The following MXI1 variants were observed in gnomAD, a reference collection of about 807,000 sequenced individuals.
The protein encoded by MXI1 is MAX interactor 1, dimerization protein.
MXI1 carries 18 observed loss-of-function variants against 36.9 expected under a neutral mutation model. That is an observed-to-expected ratio of 0.49 (90% CI 0.34 to 0.72). MXI1 has a LOEUF of 0.72. Ranked by LOEUF, MXI1 falls within the 30% of genes least tolerant of loss-of-function variation. The pLI is 0.01. For missense variants in MXI1, 304 were observed against 379.1 expected (o/e 0.80, Z 1.64); for synonymous variants, 160 against 146.7 (o/e 1.09, Z -0.65).
In MXI1 at chr10:110,287,110, C is replaced by T. The variant is rs116751374; in HGVS notation, c.*2123C>T. On this transcript the variant is annotated 3_prime_UTR_variant, in exon 6 of 6. Transcript: ENST00000332674. Reference sequence around the variant, plus strand: ...TGTTTTGTTATTCTCATGGCCTTCGCTTGCATTATTTGGGCCTTCATTCAG... The same window carrying T: ...TGTTTTGTTATTCTCATGGCCTTCGTTTGCATTATTTGGGCCTTCATTCAG... 218 of 152,274 alleles carry T rather than the reference C, an allele frequency of 1.4e-3. 1 individual carries two copies. The highest frequency in any genetic ancestry group is 4.9e-3 in the African/African-American group (204 of 41,550). 9.4% of individuals were successfully genotyped at this position (152,274 alleles called of 1,614,324 possible).
In MXI1 at chr10:110,209,989, G is replaced by T. The variant is rs1189272358; in HGVS notation, c.274+1907G>T. ...GCGGTCGGAGATTCCTCAGCGTCCC[G>T]CCCCCCACTTCGCACCCGCAGACAA... is the stretch of plus-strand genomic sequence containing the variant. On this transcript the variant is annotated intron_variant, in intron 1 of 5. Coordinates refer to ENST00000332674, the MANE Select transcript of MXI1 (RefSeq NM_130439.3). Among the ~76,000 whole-genome samples the T allele has an allele frequency of 3.2e-5, 4 of 123,918 alleles. No individual in the cohort carries two copies. The East Asian group carries it at 6.8e-4, about 21-fold the overall frequency. 81.3% of individuals were successfully genotyped at this position (123,918 alleles called of 152,430 possible). A position where few individuals can be genotyped will look rare whatever the true frequency, so the allele number is the denominator to read the frequency against.
At chr10:110,211,869 C>T (rs898661441) in intron 1 of MXI1, among the ~76,000 whole-genome samples, 2 of 152,210 alleles carry the variant, frequency 1.3e-5, no homozygotes, top group African/African-American at 4.8e-5. Flanking sequence ...GGCTGTGATC[C>T]TATTACCACA....
chr10:110,207,866 C>T lies in MXI1; in HGVS notation c.58C>T (p.Pro20Ser). 1 of 1,203,734 alleles carries T rather than the reference C, an allele frequency of 8.3e-7. No individual in the cohort carries two copies. 74.6% of individuals were successfully genotyped at this position (1,203,734 alleles called of 1,614,324 possible). ...EARCEGAGLA[P>S]AAPPAVPPAV... Reference sequence around the variant, plus strand: ...GCGCTGCGAGGGCGCGGGGCTGGCCCCCGCCGCGCCCCCGGCTGTGCCCCC... The same window carrying T: ...GCGCTGCGAGGGCGCGGGGCTGGCCTCCGCCGCGCCCCCGGCTGTGCCCCC... The change falls in exon 1 of 6, where the codon CCC becomes TCC. Residue 20 changes from proline (P) to serine (S), a missense_variant. Physicochemically the swap from Pro to Ser is moderately conservative, Grantham distance 74. Around this residue, in one of 2 missense-constraint regions of MXI1, gnomAD observed 179 missense variants for 184.8 expected, o/e 0.97. Transcript: ENST00000332674.
At chr10:110,282,719 T>C (rs1337153758) in intron 5 of MXI1, among the ~76,000 whole-genome samples, 4 of 152,204 alleles carry the variant, frequency 2.6e-5, no homozygotes, top group Non-Finnish European at 2.9e-5. Context: ...ACCATCCTTA[T>C]CCTGAGCTGG....
intron 1 of MXI1, among the ~76,000 whole-genome samples, chr10:110,218,526 C>T (rs755177931): frequency 9.2e-5 from 14 of 152,080 alleles, no homozygotes; most frequent in Middle Eastern, 6.8e-3. Context: ...CTCCCTGGAG[C>T]GACTTCCTTT....
intron 2 of MXI1, among the ~76,000 whole-genome samples, chr10:110,232,534 AGTT>A (rs1855312589): frequency 6.6e-6 from 1 of 152,106 alleles, no homozygotes; most frequent in African/African-American, 2.4e-5. Context: ...ACAGTTATCC[AGTT>A]GTTTCTTAAA....
chr10:110,278,760 A>AG (rs762727759), intron 3 of MXI1, among the ~76,000 whole-genome samples: 3 of 151,280 alleles, frequency 2.0e-5, no homozygotes, highest in East Asian at 1.9e-4. Context: ...AAAAGGTGGG[A>AG]GGGGGGAAAT....
intron 3 of MXI1, among the ~76,000 whole-genome samples, chr10:110,272,742 C>A (rs1337863957): frequency 6.6e-6 from 1 of 151,152 alleles, no homozygotes; most frequent in African/African-American, 2.4e-5. Context: ...CTTTATTATA[C>A]CACTTGTTAA....
chr10:110,251,432 G>A (rs1052471959), intron 3 of MXI1, among the ~76,000 whole-genome samples: 4 of 151,894 alleles, frequency 2.6e-5, no homozygotes, highest in Non-Finnish European at 4.4e-5. Flanking sequence ...ATTATAGTTT[G>A]GTATTTATAT....
At chr10:110,261,333 A>G (rs760479691) in intron 3 of MXI1, among the ~76,000 whole-genome samples, 2 of 151,882 alleles carry the variant, frequency 1.3e-5, no homozygotes, top group East Asian at 1.9e-4. Context: ...GGTCCACTAG[A>G]TAGTTATGCT....
chr10:110,282,705 A>C (rs1235622786), intron 5 of MXI1, among the ~76,000 whole-genome samples: 1 of 152,054 alleles, frequency 6.6e-6, no homozygotes, highest in Non-Finnish European at 1.5e-5. Flanking sequence ...GTACCTTACC[A>C]AGTACCATCC....
intron 3 of MXI1, among the ~76,000 whole-genome samples, chr10:110,276,720 ATGTT>A (rs1857044077): frequency 6.6e-6 from 1 of 152,184 alleles, no homozygotes; most frequent in African/African-American, 2.4e-5. Context: ...AAATTTTAAT[ATGTT>A]AGTTATTTTC....
At chr10:110,261,109 T>C (rs1856495017) in intron 3 of MXI1, 1 of 985,058 alleles carries the variant, frequency 1.0e-6, no homozygotes, top group Non-Finnish European at 1.2e-6. Flanking sequence ...ATCTAAAATA[T>C]TTGTCTATAA....
intron 5 of MXI1, among the ~76,000 whole-genome samples, chr10:110,280,644 C>T (rs1857210128): frequency 2.7e-5 from 4 of 149,764 alleles, no homozygotes; most frequent in Non-Finnish European, 3.0e-5. Flanking sequence ...CATGCCACTG[C>T]GCTCCAGCCT....
chr10:110,278,195 T>C (rs1012255166), intron 3 of MXI1, among the ~76,000 whole-genome samples: 1 of 152,152 alleles, frequency 6.6e-6, no homozygotes, highest in African/African-American at 2.4e-5. Flanking sequence ...TAGGATGAAG[T>C]TAAATACTCA....
intron 1 of MXI1, chr10:110,225,891 C>G (rs1385467106): frequency 2.2e-5 from 12 of 551,022 alleles, no homozygotes; most frequent in Admixed American, 1.3e-4. Context: ...TCCCGGCAGC[C>G]GCGGGCGGGT....
At chr10:110,246,736 A>G (rs1242968144) in intron 3 of MXI1, among the ~76,000 whole-genome samples, 1 of 152,204 alleles carries the variant, frequency 6.6e-6, no homozygotes, top group African/African-American at 2.4e-5. Context: ...CTGGAACTCA[A>G]AGTTGAGTGG....
intron 3 of MXI1, among the ~76,000 whole-genome samples, chr10:110,269,415 T>C (rs1180554899): frequency 9.9e-5 from 15 of 152,236 alleles, no homozygotes; most frequent in African/African-American, 3.6e-4. Context: ...TGAACAGCTA[T>C]ATTACAAAGC....
Position 110,207,848 on chromosome 10 carries a change from G to C in MXI1, c.40G>C (p.Glu14Gln). 1.7e-6 allele frequency: 2 copies of C among 1,151,244 alleles called. No homozygotes were observed. Among genetic ancestry groups the C allele is most frequent in the Non-Finnish European group, 2.1e-6 (2 of 936,232 alleles). 71.3% of individuals were successfully genotyped at this position (1,151,244 alleles called of 1,614,324 possible). ...GCGGCCGCGCAAGGAGGCGCGCTGC[G>C]AGGGCGCGGGGCTGGCCCCCGCCGC... ...RGRPRKEARC[E>Q]GAGLAPAAPP... Residue 14 changes from glutamate to glutamine, a missense_variant, in exon 1 of 6, where the codon GAG (glutamate) becomes CAG (glutamine). Glu to Gln is a conservative substitution (Grantham distance 29). Coordinates refer to ENST00000332674, the MANE Select transcript of MXI1 (RefSeq NM_130439.3).
Sources: allele counts gnomAD v4.1 joint callset (sites outside exome capture counted in the v4.1 genomes callset), GRCh38; gene constraint gnomAD v4.1.1; regional missense constraint gnomAD v4.1.1; transcripts MANE v1.5; gene names NCBI Gene and HGNC (gene_info 2026-07-23, HGNC 2026-07-21).